NEGR1: variants seen among roughly 807,000 people sequenced by gnomAD.
The protein encoded by NEGR1 is IgLON family member 4.
In NEGR1, 10 loss-of-function variants were observed where a neutral mutation model predicts 40.9. The observed-to-expected ratio is 0.24, with a 90% CI of 0.15 to 0.42. The LOEUF is 0.42. NEGR1 is among the 10% of genes least tolerant of loss of function. The pLI is 1.00. For missense variants in NEGR1, 352 were observed against 438.9 expected (o/e 0.80, Z 1.77); for synonymous variants, 185 against 166.8 (o/e 1.11, Z -0.84).
intron 4 of NEGR1, among the ~76,000 whole-genome samples, chr1:71,618,791 G>GCCAAA (rs1650523274): frequency 6.6e-5 from 10 of 152,120 alleles, no homozygotes; most frequent in Non-Finnish European, 1.5e-4. Context: ...AAAAAGGTTA[G>GCCAAA]AGACTGCTGT....
At chr1:71,612,929 C>T (rs1168724739) in intron 4 of NEGR1, among the ~76,000 whole-genome samples, 2 of 152,066 alleles carry the variant, frequency 1.3e-5, no homozygotes, top group Non-Finnish European at 1.5e-5. Flanking sequence ...CAAGTTTACA[C>T]CAAAGAGAAA....
chr1:72,011,055 C>G (rs1270106726), intron 1 of NEGR1, among the ~76,000 whole-genome samples: 1 of 152,080 alleles, frequency 6.6e-6, no homozygotes, highest in African/African-American at 2.4e-5. Context: ...AAATTTAGTA[C>G]ATATTAAAAA....
intron 6 of NEGR1, among the ~76,000 whole-genome samples, chr1:71,448,538 G>T (rs1289888878): frequency 6.6e-6 from 1 of 152,192 alleles, no homozygotes; most frequent in African/African-American, 2.4e-5. Flanking sequence ...GGTGGAGGTT[G>T]CAATGAGCAG....
rs564394088 is a variant in NEGR1, at chr1:71,694,600, T to C, written c.667+3408A>G. 1.6e-4 allele frequency among the ~76,000 whole-genome samples: 25 copies of C among 151,904 alleles called. No homozygotes were observed. The South Asian group carries it at 5.0e-3, about 30-fold the overall frequency. Reference sequence around the variant, plus strand: ...CAAAGTGCTAGGTAATTAAATTGAATAGAAATCCACAGTGACAGGTATGAT... The same window carrying C: ...CAAAGTGCTAGGTAATTAAATTGAACAGAAATCCACAGTGACAGGTATGAT... On this transcript the variant is annotated intron_variant, in intron 4 of 6. Coordinates refer to ENST00000357731, the MANE Select transcript of NEGR1 (RefSeq NM_173808.3).
chr1:71,739,151 T>G (rs1272249310), intron 3 of NEGR1, among the ~76,000 whole-genome samples: 3 of 136,852 alleles, frequency 2.2e-5, no homozygotes, highest in African/African-American at 8.6e-5. Flanking sequence ...TTAATCTGGG[T>G]GGATACCATC....
At chr1:71,954,368 G>A (rs1011871760) in intron 1 of NEGR1, among the ~76,000 whole-genome samples, 3 of 151,900 alleles carry the variant, frequency 2.0e-5, no homozygotes, top group Non-Finnish European at 2.9e-5. Flanking sequence ...TAGGCAAAAA[G>A]ATGTTTCAGA....
Position 71,890,063 on chromosome 1 carries a change from G to A in NEGR1, c.409+45016C>T, listed in dbSNP as rs1341386657. On this transcript the variant is annotated intron_variant, in intron 2 of 6. Coordinates refer to ENST00000357731, the MANE Select transcript of NEGR1 (RefSeq NM_173808.3). ...GGCCTGCCCTAAAAGAGCTCCTGAA[G>A]GAAGTGCTAAACATGGAAAGGAACA... Among the ~76,000 whole-genome samples, 627 of 120,440 alleles carry A rather than the reference G, an allele frequency of 5.2e-3. 5 individuals carry two copies. Among genetic ancestry groups the A allele is most frequent in the African/African-American group, 0.02 (595 of 30,042 alleles). The allele number at this position is 120,440 out of a possible 152,430, so 79.0% of individuals were successfully genotyped here.
chr1:72,074,838 G>T (rs1357951993), intron 1 of NEGR1, among the ~76,000 whole-genome samples: 1 of 151,698 alleles, frequency 6.6e-6, no homozygotes, highest in Admixed American at 6.6e-5. Flanking sequence ...TCCATTTTTT[G>T]GTCTTACAAT....
chr1:72,164,581 A>T (rs1651702172), intron 1 of NEGR1, among the ~76,000 whole-genome samples: 1 of 152,016 alleles, frequency 6.6e-6, no homozygotes, highest in Admixed American at 6.6e-5. Flanking sequence ...AAAATCTAAC[A>T]ATTTGTACTC....
At chr1:72,115,383 A>G (rs979491176) in intron 1 of NEGR1, among the ~76,000 whole-genome samples, 1 of 151,678 alleles carries the variant, frequency 6.6e-6, no homozygotes, top group African/African-American at 2.4e-5. Context: ...TTTTAAGTTT[A>G]TTAGTGTTAT....
chr1:71,895,725 T>C (rs1369560435), intron 2 of NEGR1, among the ~76,000 whole-genome samples: 1 of 152,226 alleles, frequency 6.6e-6, no homozygotes, highest in Non-Finnish European at 1.5e-5. Context: ...GTTTTCACTT[T>C]CTGGCTGTCA....
At chr1:71,601,667 T>C (rs1649922025) in intron 5 of NEGR1, among the ~76,000 whole-genome samples, 1 of 152,192 alleles carries the variant, frequency 6.6e-6, no homozygotes, top group Admixed American at 6.5e-5. Flanking sequence ...GCAACATGGA[T>C]GGAGTTATAG....
intron 6 of NEGR1, among the ~76,000 whole-genome samples, chr1:71,568,113 C>G (rs977007850): frequency 1.3e-5 from 2 of 152,188 alleles, no homozygotes; most frequent in African/African-American, 4.8e-5. Flanking sequence ...CCCATCTATT[C>G]AATTACTCTG....
chr1:72,222,614 T>C (rs1357808946), intron 1 of NEGR1, among the ~76,000 whole-genome samples: 1 of 152,140 alleles, frequency 6.6e-6, no homozygotes, highest in Admixed American at 6.6e-5. Flanking sequence ...GTAGTGAGGT[T>C]CTCTATCCTT....
chr1:72,068,719 C>T (rs990447099), intron 1 of NEGR1, among the ~76,000 whole-genome samples: 3 of 151,932 alleles, frequency 2.0e-5, no homozygotes, highest in African/African-American at 7.3e-5. Context: ...TAATAGAGTA[C>T]CAGCTATGTA....
intron 1 of NEGR1, among the ~76,000 whole-genome samples, chr1:72,256,426 G>T (rs894832616): frequency 1.3e-5 from 2 of 152,262 alleles, no homozygotes; most frequent in South Asian, 4.1e-4. Context: ...CTCAACAGAA[G>T]AAAACAAGAT....
chr1:71,964,065 G>T (rs958249526), intron 1 of NEGR1, among the ~76,000 whole-genome samples: 5 of 152,106 alleles, frequency 3.3e-5, no homozygotes, highest in African/African-American at 7.2e-5. Flanking sequence ...TTCTACAAAA[G>T]TGACAGCTAA....
intron 2 of NEGR1, among the ~76,000 whole-genome samples, chr1:71,870,013 G>C (rs969306958): frequency 6.6e-6 from 1 of 151,802 alleles, no homozygotes; most frequent in Non-Finnish European, 1.5e-5. Context: ...CCAAGTAGCT[G>C]GGATTACAGG....
intron 2 of NEGR1, among the ~76,000 whole-genome samples, chr1:71,873,406 T>G (rs1570454579): frequency 6.6e-6 from 1 of 152,028 alleles, no homozygotes; most frequent in East Asian, 1.9e-4. Flanking sequence ...ATAGTGAAAA[T>G]GTTTTGGAAT....
Sources: allele counts gnomAD v4.1 joint callset (sites outside exome capture counted in the v4.1 genomes callset), GRCh38; gene constraint gnomAD v4.1.1; transcripts MANE v1.5; gene names NCBI Gene and HGNC (gene_info 2026-07-23, HGNC 2026-07-21).